The following MMADHC variants were observed in gnomAD, a reference collection of about 807,000 sequenced individuals.
MMADHC encodes the protein cobalamin trafficking protein CblD.
A neutral mutation model predicts 36.3 loss-of-function variants in MMADHC; 23 were observed. The observed-to-expected ratio is 0.63, with a 90% confidence interval of 0.46 to 0.90. MMADHC has a LOEUF of 0.90. Among genes scored for constraint, MMADHC ranks in the 40% least tolerant of loss-of-function variants. The pLI is 0.00. For synonymous variants in MMADHC, 97 were observed against 116.1 expected, an observed-to-expected ratio of 0.84 and a Z score of 1.06; for missense variants, 330 against 348.0, an observed-to-expected ratio of 0.95 and a Z score of 0.41.
intron 6 of MMADHC, among the ~76,000 whole-genome samples, chr2:149,571,643 G>A (rs1179025545): frequency 2.6e-5 from 4 of 152,112 alleles, no homozygotes; most frequent in Non-Finnish European, 5.9e-5. Context: ...AGCCGGGTGT[G>A]GTGGCGGGCG....
intron 2 of MMADHC, among the ~76,000 whole-genome samples, chr2:149,584,243 TAAGC>T (rs1682831851): frequency 6.6e-6 from 1 of 152,144 alleles, no homozygotes; most frequent in Non-Finnish European, 1.5e-5. Context: ...GGGCTCAAAA[TAAGC>T]AGCAGCAAAA....
intron 4 of MMADHC, among the ~76,000 whole-genome samples, chr2:149,576,834 T>C (rs1258260544): frequency 6.6e-6 from 1 of 152,202 alleles, no homozygotes; most frequent in African/African-American, 2.4e-5. Flanking sequence ...TAAAATGCCA[T>C]AATGTGTCTC....
At chr2:149,578,034 C>T (rs759419380) in intron 4 of MMADHC, among the ~76,000 whole-genome samples, 11 of 147,584 alleles carry the variant, frequency 7.5e-5, no homozygotes, top group Non-Finnish European at 1.2e-4. Context: ...ACAAACCAAA[C>T]AACAACAACA....
intron 6 of MMADHC, among the ~76,000 whole-genome samples, chr2:149,574,364 G>C (rs1289178667): frequency 6.6e-6 from 1 of 152,050 alleles, no homozygotes; most frequent in African/African-American, 2.4e-5. Context: ...AAAACCACAC[G>C]AAATCTATTA....
chr2:149,584,554 T>C (rs530035778), intron 2 of MMADHC, among the ~76,000 whole-genome samples: 1 of 152,354 alleles, frequency 6.6e-6, no homozygotes, highest in East Asian at 1.9e-4. Context: ...CATTAGATTA[T>C]ATTTTGACAT....
At position 149,586,750 on chromosome 2, in the gene MMADHC, TA is replaced by T. The variant is rs532259725; in HGVS notation, c.9+338del. 6.3e-3 allele frequency: 1,870 copies of T among 295,712 alleles called. 5 individuals carry two copies. Among genetic ancestry groups the T allele is most frequent in the Non-Finnish European group, 9.4e-3 (1,485 of 158,796 alleles). The allele number at this position is 295,712 out of a possible 1,614,324, so 18.3% of individuals were successfully genotyped here. On this transcript the variant is annotated intron_variant, in intron 2 of 7. Coordinates refer to ENST00000303319, the MANE Select transcript of MMADHC (RefSeq NM_015702.3). ...TGTTTTAAAAAAAAGAAAAAAAGAT[TA>T]AAAAAACCCTTCAGTTTAGCTAACC...
At chr2:149,587,319 C>T in intron 1 of MMADHC, 170 bp from the exon 2 acceptor site, 1 of 604,956 alleles carries the variant, frequency 1.7e-6, no homozygotes, top group Non-Finnish European at 3.0e-6. Context: ...AGGCACAGAT[C>T]CCCCAGCCCG....
chr2:149,581,157 T>C (rs930811656), intron 3 of MMADHC, among the ~76,000 whole-genome samples: 3 of 152,218 alleles, frequency 2.0e-5, no homozygotes, highest in African/African-American at 7.2e-5. Flanking sequence ...TAGGTTTTGT[T>C]TTCTGTGAAA....
At chr2:149,570,520 A>G (rs2105041783) in intron 7 of MMADHC, among the ~76,000 whole-genome samples, 1 of 152,322 alleles carries the variant, frequency 6.6e-6, no homozygotes. Flanking sequence ...ATTATATCTT[A>G]TTTGACTTTG....
intron 7 of MMADHC, 94 bp downstream of exon 7, chr2:149,570,991 A>C: frequency 9.3e-7 from 1 of 1,073,720 alleles, no homozygotes; most frequent in South Asian, 1.4e-5. Flanking sequence ...AGATTTTTAA[A>C]AAGTCTTAAT....
At position 149,573,605 on chromosome 2, in the gene MMADHC, C is replaced by A. The variant is rs1682674886; in HGVS notation, c.609+2106G>T. On this transcript the variant is annotated intron_variant, in intron 6 of 7. Transcript: ENST00000303319. The stretch of plus-strand genomic sequence containing the variant: ...TTATTTGATCTAAGGTAACTTTTCT[C>A]TTAATACTTTCTTATAAACTAACAA... Among the ~76,000 whole-genome samples the A allele has an allele frequency of 2.0e-5, 3 of 152,118 alleles. No homozygotes were observed. In the South Asian group the frequency reaches 6.2e-4, roughly 32 times the overall value.
Position 149,575,973 on chromosome 2 carries a change from T to C in MMADHC, c.479-132A>G. 8.6e-6 allele frequency: 6 copies of C among 697,262 alleles called. No individual in the cohort carries two copies. In the South Asian group the frequency reaches 1.2e-4, roughly 14 times the overall value. 43.2% of individuals were successfully genotyped at this position (697,262 alleles called of 1,614,324 possible). The stretch of plus-strand genomic sequence containing the variant: ...AATTACTGTGGTATTAGTTAATTTT[T>C]ATAAATGTATGTTATTTTTGAAAAG... On this transcript the variant is annotated intron_variant, in intron 5 of 7. Coordinates refer to ENST00000303319, the MANE Select transcript of MMADHC (RefSeq NM_015702.3).
intron 6 of MMADHC, chr2:149,572,197 C>T: frequency 2.3e-6 from 1 of 425,926 alleles, no homozygotes; most frequent in Non-Finnish European, 4.6e-6. Context: ...AAGAAGAGAT[C>T]ATGAATGTTT....
At chr2:149,585,307 T>A (rs1029121033) in intron 2 of MMADHC, among the ~76,000 whole-genome samples, 7 of 152,156 alleles carry the variant, frequency 4.6e-5, no homozygotes, top group African/African-American at 1.4e-4. Context: ...AACTGTAAAA[T>A]CCTTATTAGT....
intron 6 of MMADHC, chr2:149,572,249 G>T: frequency 2.4e-6 from 1 of 425,128 alleles, no homozygotes; most frequent in Non-Finnish European, 4.6e-6. Context: ...TGAAGCAGAA[G>T]AATTGCTTGA....
At chr2:149,585,522 C>T (rs1284972715) in intron 2 of MMADHC, among the ~76,000 whole-genome samples, 1 of 152,178 alleles carries the variant, frequency 6.6e-6, no homozygotes, top group Non-Finnish European at 1.5e-5. Context: ...AATATTTACA[C>T]AAAAGGTCCA....
intron 2 of MMADHC, 160 bp downstream of exon 2, chr2:149,586,929 A>C: frequency 1.4e-6 from 1 of 718,768 alleles, no homozygotes; most frequent in South Asian, 1.6e-5. Context: ...ACCATCTTCA[A>C]AGCATAACAT....
chr2:149,582,150 A>C lies in MMADHC; in HGVS notation c.131T>G (p.Val44Gly). ...AGSSGSDESH[V>G]AAAPPDICSR... ...ACATATATCTGGAGGTGCAGCAGCCACATGAGACTCATCCGAACCTGATGA... is the reference window on the plus strand; with the variant it reads ...ACATATATCTGGAGGTGCAGCAGCCCCATGAGACTCATCCGAACCTGATGA... Residue 44 changes from valine (V) to glycine (G), a missense_variant, in exon 3 of 8, where the codon GTG (valine) becomes GGG (glycine). Physicochemically the swap from Val to Gly is moderately radical, Grantham distance 109 (BLOSUM62 -3). Transcript: ENST00000303319. 1 of 1,613,992 alleles carries C rather than the reference A, an allele frequency of 6.2e-7. No individual in the cohort carries two copies. Among genetic ancestry groups the C allele is most frequent in the Non-Finnish European group, 8.5e-7 (1 of 1,179,882 alleles).
At chr2:149,586,865 C>A in intron 2 of MMADHC, 1 of 564,170 alleles carries the variant, frequency 1.8e-6, no homozygotes, top group Non-Finnish European at 3.1e-6. Context: ...TGAATTTCCA[C>A]ATCTGTACAA....
Sources: gnomAD v4.1 joint callset for allele counts (sites outside exome capture counted in the v4.1 genomes callset) on GRCh38, gnomAD v4.1.1 for gene constraint, MANE v1.5 for transcripts, NCBI Gene and HGNC (gene_info 2026-07-23, HGNC 2026-07-21) for gene names.